Variants in EEFSEC observed in about 807,000 individuals in gnomAD.
EEFSEC encodes eukaryotic elongation factor, selenocysteine-tRNA specific, also known as selenocysteine-specific elongation factor.
A neutral mutation model predicts 42.1 loss-of-function variants in EEFSEC; 43 were observed. The ratio of observed to expected loss-of-function variants is 1.02; its 90% confidence interval spans 0.80 to 1.32. The LOEUF is 1.32. EEFSEC is among the 40% of genes most tolerant of loss of function. The pLI is 0.00. For missense variants in EEFSEC, 745 were observed against 803.6 expected (o/e 0.93, Z 0.88); for synonymous variants, 354 against 339.1 (o/e 1.04, Z -0.48).
At chr3:128,378,653 A>C (rs2293947) in intron 6 of EEFSEC, among the ~76,000 whole-genome samples, 13,592 of 152,188 alleles carry the variant, frequency 0.089, 951 homozygotes, top group East Asian at 0.37. Flanking sequence ...AGTTCATGGC[A>C]AGTGTGGGAA....
At chr3:128,271,332 G>A (rs1486902726) in intron 4 of EEFSEC, among the ~76,000 whole-genome samples, 1 of 152,192 alleles carries the variant, frequency 6.6e-6, no homozygotes, top group Non-Finnish European at 1.5e-5. Context: ...TGTGGATATC[G>A]GCTCTCAAGG....
intron 5 of EEFSEC, among the ~76,000 whole-genome samples, chr3:128,356,526 GA>G (rs2067456620): frequency 6.6e-6 from 1 of 152,230 alleles, no homozygotes; most frequent in Non-Finnish European, 1.5e-5. Flanking sequence ...AAGATGTCAG[GA>G]GAGGATGGGA....
intron 1 of EEFSEC, among the ~76,000 whole-genome samples, chr3:128,222,068 C>G (rs1011484868): frequency 2.4e-5 from 3 of 126,230 alleles, no homozygotes; most frequent in African/African-American, 6.2e-5. Flanking sequence ...GAATCTCACT[C>G]TGTCACCCAG....
At chr3:128,189,775 A>T (rs577913677) in intron 1 of EEFSEC, among the ~76,000 whole-genome samples, 1 of 151,150 alleles carries the variant, frequency 6.6e-6, no homozygotes, top group Admixed American at 6.6e-5. Context: ...GCCCAGGCTG[A>T]TCTCGAACTT....
rs1393245435 is a variant in EEFSEC at position 128,341,227 on chromosome 3, C to G, written c.787-6C>G. The G allele has an allele frequency of 6.3e-7, 1 of 1,596,786 alleles. No homozygotes were observed. Among genetic ancestry groups the G allele is most frequent in the Non-Finnish European group, 8.5e-7 (1 of 1,171,434 alleles). On this transcript the variant is annotated splice_polypyrimidine_tract_variant and splice_region_variant and intron_variant, in intron 4 of 6. Transcript: ENST00000254730. ...TTCATGTGCTCTCTTGCTTACTCCC[C>G]ATCAGGTGGTGAAGAAGGTGAAGTC...
intron 4 of EEFSEC, among the ~76,000 whole-genome samples, chr3:128,327,557 G>A (rs889131127): frequency 7.9e-5 from 12 of 152,220 alleles, no homozygotes; most frequent in Non-Finnish European, 1.3e-4. Context: ...CTACATGAGC[G>A]TGTTGAATTA....
chr3:128,398,216 G>T (rs1378016423), intron 6 of EEFSEC, among the ~76,000 whole-genome samples: 2 of 152,184 alleles, frequency 1.3e-5, no homozygotes, highest in Non-Finnish European at 2.9e-5. Flanking sequence ...CTTGGCCCTA[G>T]GGGAAGGCTG....
intron 4 of EEFSEC, among the ~76,000 whole-genome samples, chr3:128,298,115 T>C (rs1162425566): frequency 6.6e-6 from 1 of 152,258 alleles, no homozygotes; most frequent in Non-Finnish European, 1.5e-5. Context: ...GGCATATGCC[T>C]GGATCATCTT....
At chr3:128,419,225 G>GGCT in the EEFSEC span, among the ~76,000 whole-genome samples, 1 of 152,264 alleles carries the variant, frequency 6.6e-6, no homozygotes, top group Non-Finnish European at 1.5e-5. Flanking sequence ...AGTGGGGCAC[G>GGCT]GCTGCTGGTG....
At chr3:128,290,191 T>C (rs1389099160) in intron 4 of EEFSEC, among the ~76,000 whole-genome samples, 1 of 152,226 alleles carries the variant, frequency 6.6e-6, no homozygotes, top group African/African-American at 2.4e-5. Context: ...TCTAATGTTT[T>C]CTTCTGGAAG....
intron 6 of EEFSEC, among the ~76,000 whole-genome samples, chr3:128,386,288 G>A (rs2067837088): frequency 6.6e-6 from 1 of 152,070 alleles, no homozygotes; most frequent in African/African-American, 2.4e-5. Context: ...CTACAAGTTG[G>A]GGCCATACCC....
intron 1 of EEFSEC, 176 bp downstream of exon 1, chr3:128,153,999 G>T: frequency 1.1e-6 from 1 of 909,062 alleles, no homozygotes; most frequent in South Asian, 2.1e-5. Flanking sequence ...GCAAGTGAGC[G>T]GAGGCTTTGA....
At chr3:128,250,046 T>A (rs922256905) in intron 2 of EEFSEC, among the ~76,000 whole-genome samples, 1 of 152,188 alleles carries the variant, frequency 6.6e-6, no homozygotes, top group African/African-American at 2.4e-5. Context: ...TTTGTGTATC[T>A]TTTTTTGAGA....
At chr3:128,174,714 TAG>T (rs2065330798) in intron 1 of EEFSEC, among the ~76,000 whole-genome samples, 1 of 152,202 alleles carries the variant, frequency 6.6e-6, no homozygotes, top group Admixed American at 6.5e-5. Flanking sequence ...GGTTTGCTGT[TAG>T]AGTTAGCAGT....
chr3:128,189,748 G>A (rs367928400), intron 1 of EEFSEC, among the ~76,000 whole-genome samples: 37 of 151,606 alleles, frequency 2.4e-4, no homozygotes, highest in African/African-American at 8.7e-4. Flanking sequence ...TTGTAGAGAC[G>A]GGGGTCTCAC....
intron 4 of EEFSEC, among the ~76,000 whole-genome samples, chr3:128,333,299 G>T (rs549885496): frequency 2.2e-4 from 34 of 152,326 alleles, no homozygotes; most frequent in African/African-American, 7.5e-4. Context: ...ATGCTGGAGG[G>T]ACCCCCCAAC....
At chr3:128,157,481 G>T (rs752268849) in intron 1 of EEFSEC, among the ~76,000 whole-genome samples, 6 of 152,192 alleles carry the variant, frequency 3.9e-5, no homozygotes, top group Non-Finnish European at 7.3e-5. Flanking sequence ...TCAATGACTG[G>T]GTACAAAGCT....
At chr3:128,200,023 C>G (rs771712951) in intron 1 of EEFSEC, among the ~76,000 whole-genome samples, 27 of 152,126 alleles carry the variant, frequency 1.8e-4, no homozygotes, top group Non-Finnish European at 3.5e-4. Flanking sequence ...CGTGAGCCAC[C>G]GTGCCCAGCC....
chr3:128,407,236 G>A (rs549537003), intron 6 of EEFSEC, among the ~76,000 whole-genome samples: 49 of 152,348 alleles, frequency 3.2e-4, no homozygotes, highest in African/African-American at 9.4e-4. Context: ...TTAGTGAGGC[G>A]TGGGCTGGTT....
Sources: allele counts gnomAD v4.1 joint callset (sites outside exome capture counted in the v4.1 genomes callset), GRCh38; gene constraint gnomAD v4.1.1; transcripts MANE v1.5; gene names NCBI Gene and HGNC (gene_info 2026-07-23, HGNC 2026-07-21).